Variants in DGKD observed in about 807,000 individuals in gnomAD.
The protein encoded by DGKD is diacylglycerol kinase delta.
Under a neutral mutation model 154.4 loss-of-function variants are expected in DGKD, and 68 were observed. That is an observed-to-expected ratio of 0.44 (90% CI 0.36 to 0.54). The LOEUF (loss-of-function observed/expected upper bound fraction) is 0.54. Among genes scored for constraint, DGKD ranks in the 20% least tolerant of loss-of-function variants. The probability of loss-of-function intolerance (pLI) is 0.00; values close to 1 mark genes in which losing one functional copy is unlikely to be tolerated. For synonymous variants in DGKD, 693 were observed against 638.0 expected, an observed-to-expected ratio of 1.09 and a Z score of -1.30; for missense variants, 1,343 against 1,593.6, an observed-to-expected ratio of 0.84 and a Z score of 2.68.
intron 8 of DGKD, among the ~76,000 whole-genome samples, chr2:233,437,940 A>T (rs538148366): frequency 3.9e-5 from 6 of 151,968 alleles, no homozygotes; most frequent in African/African-American, 9.7e-5. Context: ...GGAAAGGGGG[A>T]TGTGGGGTAC....
At position 233,435,797 on chromosome 2, in the gene DGKD, C is replaced by T. The variant is rs933588895; in HGVS notation, c.587-21C>T. ...TTGGCACAGACACAGCTTGTAGGCTCATGTGCCCCTTCTCTCACAGTGTGC... is the reference window on the plus strand; with the variant it reads ...TTGGCACAGACACAGCTTGTAGGCTTATGTGCCCCTTCTCTCACAGTGTGC... On this transcript the variant is annotated intron_variant, in intron 5 of 29. Transcript: ENST00000264057. 3.7e-6 allele frequency: 6 copies of T among 1,607,028 alleles called. No individual in the cohort carries two copies. The African/African-American group carries it at 5.4e-5, about 14-fold the overall frequency.
intron 1 of DGKD, among the ~76,000 whole-genome samples, chr2:233,380,844 CT>C (rs1350969197): frequency 2.6e-5 from 4 of 152,066 alleles, no homozygotes; most frequent in South Asian, 4.2e-4. Context: ...GGGTTTGGTC[CT>C]TCCTCACATT....
At chr2:233,416,156 AATACAC>A (rs2125529727) in intron 3 of DGKD, among the ~76,000 whole-genome samples, 1 of 152,334 alleles carries the variant, frequency 6.6e-6, no homozygotes, top group African/African-American at 2.4e-5. Context: ...ATTGTGGTAG[AATACAC>A]ATAACATAAA....
chr2:233,369,749 G>A (rs1315637118), intron 1 of DGKD, among the ~76,000 whole-genome samples: 2 of 152,100 alleles, frequency 1.3e-5, no homozygotes, highest in South Asian at 2.1e-4. Context: ...TGCTCTGGGC[G>A]GGCTCTCCCC....
At chr2:233,467,254 C>A in intron 28 of DGKD, 51 bp downstream of exon 28, 1 of 1,298,922 alleles carries the variant, frequency 7.7e-7, no homozygotes, top group Non-Finnish European at 1.1e-6. Flanking sequence ...CCTGCTGGAT[C>A]GGCCCCGTTC....
intron 3 of DGKD, among the ~76,000 whole-genome samples, chr2:233,420,049 C>G (rs943143299): frequency 2.0e-5 from 3 of 152,114 alleles, no homozygotes; most frequent in Non-Finnish European, 4.4e-5. Context: ...ATTTGAGAGA[C>G]AAATTAGGAA....
intron 3 of DGKD, among the ~76,000 whole-genome samples, chr2:233,393,092 TTGGCTCACTGCAACC>T (rs1480010777): frequency 1.3e-5 from 2 of 152,192 alleles, no homozygotes; most frequent in Admixed American, 1.3e-4. Flanking sequence ...TGACGTGATC[TTGGCTCACTGCAACC>T]TCCACCTCCT....
intron 10 of DGKD, among the ~76,000 whole-genome samples, chr2:233,443,244 CTTT>C (rs1430141008): frequency 6.6e-6 from 1 of 152,186 alleles, no homozygotes; most frequent in African/African-American, 2.4e-5. Flanking sequence ...ACCTTTACTT[CTTT>C]AATTCCTGGT....
In DGKD at chr2:233,448,252, G is replaced by T. The variant is rs773585933; in HGVS notation, c.1515-24G>T. 7 of 1,614,032 alleles carry T rather than the reference G, an allele frequency of 4.3e-6. No individual in the cohort carries two copies. The African/African-American group carries it at 8.0e-5, about 18-fold the overall frequency. On this transcript the variant is annotated intron_variant, in intron 13 of 29. Coordinates refer to ENST00000264057, the MANE Select transcript of DGKD (RefSeq NM_152879.3). ...AGCCTGGAGCTGCCTCTCTAGAAGG[G>T]TCTTTCTGTTTTTCTCCCCACAGAG...
intron 3 of DGKD, among the ~76,000 whole-genome samples, chr2:233,432,826 G>GT (rs911602020): frequency 1.3e-5 from 2 of 152,174 alleles, no homozygotes; most frequent in African/African-American, 4.8e-5. Flanking sequence ...CATATGGCAA[G>GT]TAGGTATATG....
intron 3 of DGKD, chr2:233,419,193 G>A: frequency 7.1e-6 from 7 of 983,520 alleles, no homozygotes; most frequent in Non-Finnish European, 8.5e-6. Context: ...ATATTTAGCA[G>A]AGTGTTTCCG....
intron 1 of DGKD, among the ~76,000 whole-genome samples, chr2:233,373,099 A>G (rs1173140932): frequency 2.0e-5 from 3 of 152,178 alleles, no homozygotes; most frequent in African/African-American, 7.2e-5. Flanking sequence ...TCACAACTTC[A>G]TGGTGGCTGC....
Position 233,441,798 on chromosome 2 carries a change from AC to A in DGKD, c.1086-88del. ...CTGGTGCAGGTCAGCCATGAGGAGC[AC>A]AGGTGGCCCCTCAGCCCCGTACTGA... On this transcript the variant is annotated intron_variant, in intron 9 of 29. Coordinates refer to ENST00000264057, the MANE Select transcript of DGKD (RefSeq NM_152879.3). This position sits in a 1 kb window ranked among gnomAD's most constrained non-coding sequence, Gnocchi z 5.6. 8.2e-7 allele frequency: 1 copy of A among 1,224,086 alleles called. No individual in the cohort carries two copies. The highest frequency in any genetic ancestry group is 1.2e-6 in the Non-Finnish European group (1 of 848,870). 75.8% of individuals were successfully genotyped at this position (1,224,086 alleles called of 1,614,324 possible).
chr2:233,361,501 C>G (rs1404846143), intron 1 of DGKD, among the ~76,000 whole-genome samples: 1 of 152,172 alleles, frequency 6.6e-6, no homozygotes, highest in East Asian at 1.9e-4. Context: ...TGAGCTAAAA[C>G]CAGTCGAAAC....
At chr2:233,397,827 T>G (rs1286810978) in intron 3 of DGKD, among the ~76,000 whole-genome samples, 1 of 151,272 alleles carries the variant, frequency 6.6e-6, no homozygotes, top group Non-Finnish European at 1.5e-5. Flanking sequence ...GGCAGGCTAG[T>G]GATCAGGTCA....
rs908078508 is a variant in DGKD, at chr2:233,459,043, TGTG to T, written c.2694+648_2694+650del. On this transcript the variant is annotated intron_variant, in intron 22 of 29. Coordinates refer to ENST00000264057, the MANE Select transcript of DGKD (RefSeq NM_152879.3). The surrounding 1 kb of genome is among the most constrained non-coding windows in gnomAD (Gnocchi z 5.7). ...GTGGGGACGGAGCCCATGGCTCTGATGTGGGGTGTGGGAGGATTTCCAGCTGGG... is the reference window on the plus strand; with the variant it reads ...GTGGGGACGGAGCCCATGGCTCTGATGGGTGTGGGAGGATTTCCAGCTGGG... 6.6e-6 allele frequency among the ~76,000 whole-genome samples: 1 copy of T among 152,136 alleles called. No individual in the cohort carries two copies. Among genetic ancestry groups the T allele is most frequent in the African/African-American group, 2.4e-5 (1 of 41,438 alleles).
At position 233,384,131 on chromosome 2, in the gene DGKD, T is replaced by A. The variant is rs1421367779; in HGVS notation, c.157-4126T>A. Among the ~76,000 whole-genome samples, 60 of 152,172 alleles carry A rather than the reference T, an allele frequency of 3.9e-4. 3 individuals carry two copies. The highest frequency in any genetic ancestry group is 3.9e-3 in the Admixed American group (60 of 15,276). On this transcript the variant is annotated intron_variant, in intron 1 of 29. Coordinates refer to ENST00000264057, the MANE Select transcript of DGKD (RefSeq NM_152879.3). Reference sequence around the variant, plus strand: ...AAACCTGTTATCTTGCTTTCTCCTGTCCTGGTCACACTCAGGGTGATTTGA... The same window carrying A: ...AAACCTGTTATCTTGCTTTCTCCTGACCTGGTCACACTCAGGGTGATTTGA...
intron 3 of DGKD, among the ~76,000 whole-genome samples, chr2:233,407,279 T>C (rs1028313163): frequency 2.0e-5 from 3 of 152,250 alleles, no homozygotes; most frequent in Admixed American, 1.3e-4. Flanking sequence ...TTTACAGATA[T>C]ATTAAAAATA....
At chr2:233,467,270 G>A (rs1224804438) in intron 28 of DGKD, 67 bp downstream of exon 28, 4 of 1,158,658 alleles carry the variant, frequency 3.5e-6, no homozygotes, top group Non-Finnish European at 5.2e-6. Flanking sequence ...CGTTCCCCTG[G>A]TCTCTGCTTT....
Sources: allele counts gnomAD v4.1 joint callset (sites outside exome capture counted in the v4.1 genomes callset), GRCh38; gene constraint gnomAD v4.1.1; non-coding constraint Gnocchi (gnomAD v3.1); transcripts MANE v1.5; gene names NCBI Gene and HGNC (gene_info 2026-07-23, HGNC 2026-07-21).